The following LAMA3 variants were observed in gnomAD, a reference collection of about 807,000 sequenced individuals.
The protein encoded by LAMA3 is laminin subunit alpha-3.
A neutral mutation model predicts 402.0 loss-of-function variants in LAMA3; 281 were observed. The observed-to-expected ratio is 0.70, with a 90% CI of 0.63 to 0.77. LAMA3 has a LOEUF of 0.77. Ranked by LOEUF, LAMA3 falls within the 30% of genes least tolerant of loss-of-function variation. The pLI is 0.00. For missense variants in LAMA3, 3,840 were observed against 4,215.5 expected (o/e 0.91, Z 2.47); for synonymous variants, 1,431 against 1,558.4 (o/e 0.92, Z 1.93).
intron 56 of LAMA3, among the ~76,000 whole-genome samples, chr18:23,913,837 T>C (rs2081516520): frequency 6.6e-6 from 1 of 152,366 alleles, no homozygotes; most frequent in Non-Finnish European, 1.5e-5. Context: ...ATTCTGGCTT[T>C]GTGATAAACA....
chr18:23,928,351 T>A, intron 63 of LAMA3, 111 bp downstream of exon 63: 1 of 782,942 alleles, frequency 1.3e-6, no homozygotes, highest in Non-Finnish European at 2.2e-6. Context: ...AGTGTTACAG[T>A]GAACTGGCTC....
At chr18:23,805,618 C>T (rs2062948179) in intron 12 of LAMA3, among the ~76,000 whole-genome samples, 1 of 152,094 alleles carries the variant, frequency 6.6e-6, no homozygotes, top group Non-Finnish European at 1.5e-5. Flanking sequence ...ATAAGATGGA[C>T]CTGAGTTAAA....
intron 2 of LAMA3, among the ~76,000 whole-genome samples, chr18:23,733,516 A>G (rs1302106753): frequency 2.0e-4 from 31 of 152,194 alleles, no homozygotes; most frequent in Non-Finnish European, 1.5e-5. Context: ...AACTCCCTCC[A>G]TGATTCAATT....
At chr18:23,727,172 A>T (rs2061313992) in intron 2 of LAMA3, among the ~76,000 whole-genome samples, 1 of 152,234 alleles carries the variant, frequency 6.6e-6, no homozygotes, top group South Asian at 2.1e-4. Flanking sequence ...GCCAAAGTCC[A>T]GAAAAGTTGG....
chr18:23,941,182 C>T (rs1209856687), intron 68 of LAMA3, among the ~76,000 whole-genome samples: 2 of 151,890 alleles, frequency 1.3e-5, no homozygotes, highest in Non-Finnish European at 2.9e-5. Flanking sequence ...GTGATCCGCC[C>T]ACCTCGGCCT....
rs752679034 is a variant in LAMA3, at chr18:23,943,983, G to A, written c.9210+12G>A. On this transcript the variant is annotated intron_variant, in intron 69 of 74. Transcript: ENST00000313654. ...GGAAATGGCACACGGTAAGAGCTGG[G>A]GCTGTGTCAGTATCTCCAGTTGGTG... is the stretch of plus-strand genomic sequence containing the variant. The A allele has an allele frequency of 3.7e-6, 6 of 1,612,592 alleles. No individual in the cohort carries two copies. The East Asian group carries it at 1.3e-4, about 36-fold the overall frequency.
In LAMA3 at chr18:23,763,384, CTTA is replaced by C. The variant is rs764056241; in HGVS notation, c.1064-16_1064-14del. The C allele has an allele frequency of 3.6e-6, 5 of 1,396,974 alleles. No individual in the cohort carries two copies. In the African/African-American group the frequency reaches 4.3e-5, roughly 12 times the overall value. The allele number at this position is 1,396,974 out of a possible 1,614,324, so 86.5% of individuals were successfully genotyped here. A position where few individuals can be genotyped will look rare whatever the true frequency, so the allele number is the denominator to read the frequency against. On this transcript the variant is annotated intron_variant, in intron 7 of 74. Coordinates refer to ENST00000313654, the MANE Select transcript of LAMA3 (RefSeq NM_198129.4). ...CTGATAGTAATAATGAGAATATTGA[CTTA>C]TTATGCTTTTTTTTCAGCATGCAAC... is the stretch of plus-strand genomic sequence containing the variant.
chr18:23,884,592 C>T (rs923362384), intron 40 of LAMA3, among the ~76,000 whole-genome samples, 181 bp from the exon 41 acceptor site: 5 of 152,172 alleles, frequency 3.3e-5, no homozygotes, highest in Non-Finnish European at 4.4e-5. Context: ...TGCCCTGTGT[C>T]GGCTGAGATC....
chr18:23,934,417 T>C (rs2082253770), intron 67 of LAMA3, among the ~76,000 whole-genome samples: 1 of 152,100 alleles, frequency 6.6e-6, no homozygotes, highest in Non-Finnish European at 1.5e-5. Flanking sequence ...AGTTAGATGC[T>C]CGTGGAGTGG....
At chr18:23,724,054 C>T (rs764441843) in intron 2 of LAMA3, among the ~76,000 whole-genome samples, 87 of 152,178 alleles carry the variant, frequency 5.7e-4, no homozygotes, top group Middle Eastern at 6.8e-3. Flanking sequence ...ACCCAAGTCC[C>T]CAAAGTCCAT....
intron 73 of LAMA3, among the ~76,000 whole-genome samples, chr18:23,952,532 A>G (rs532091698): frequency 1.3e-5 from 2 of 152,342 alleles, no homozygotes; most frequent in African/African-American, 4.8e-5. Context: ...CTACATTGCA[A>G]TTAGCTGAGA....
At chr18:23,738,438 G>A (rs1343069019) in intron 2 of LAMA3, among the ~76,000 whole-genome samples, 2 of 152,162 alleles carry the variant, frequency 1.3e-5, no homozygotes, top group African/African-American at 4.8e-5. Flanking sequence ...AGTAAAGGAA[G>A]CGGTTCCTTT....
rs755527455 is a variant in LAMA3 at position 23,744,831 on chromosome 18, C to CAA, written c.448-3087_448-3086dup. On this transcript the variant is annotated intron_variant, in intron 2 of 74. Transcript: ENST00000313654. Reference sequence around the variant, plus strand: ...TGGGCGACAGAGCAAGACTCTGTCTCAAAAAAAAAAAAAAAAAAAAAAAAA... The same window carrying CAA: ...TGGGCGACAGAGCAAGACTCTGTCTCAAAAAAAAAAAAAAAAAAAAAAAAAAA... Among the ~76,000 whole-genome samples the CAA allele has an allele frequency of 7.9e-3, 244 of 31,020 alleles. 29 individuals are homozygous for CAA. Among genetic ancestry groups the CAA allele is most frequent in the East Asian group, 0.023 (32 of 1,374 alleles). The allele number at this position is 31,020 out of a possible 152,430, so 20.4% of individuals were successfully genotyped here.
intron 10 of LAMA3, among the ~76,000 whole-genome samples, 171 bp downstream of exon 10, chr18:23,776,094 T>G (rs764194703): frequency 4.6e-5 from 7 of 152,222 alleles, no homozygotes; most frequent in Non-Finnish European, 7.3e-5. Flanking sequence ...AATTTTATAT[T>G]GGTACATTTT....
At chr18:23,870,203 T>C (rs1219888299) in intron 37 of LAMA3, among the ~76,000 whole-genome samples, 1 of 152,096 alleles carries the variant, frequency 6.6e-6, no homozygotes, top group Non-Finnish European at 1.5e-5. Flanking sequence ...CTTGGGAGGC[T>C]GAGGCAGGAG....
chr18:23,950,685 T>G (rs1257175607), intron 72 of LAMA3, among the ~76,000 whole-genome samples: 2 of 152,230 alleles, frequency 1.3e-5, no homozygotes, highest in Non-Finnish European at 2.9e-5. Context: ...GAGTGAAAGA[T>G]TGATATAATA....
At chr18:23,947,746 C>T (rs963362091) in intron 70 of LAMA3, among the ~76,000 whole-genome samples, 4 of 151,762 alleles carry the variant, frequency 2.6e-5, no homozygotes, top group African/African-American at 7.3e-5. Flanking sequence ...ATATACACCA[C>T]ACATTAATTG....
intron 7 of LAMA3, among the ~76,000 whole-genome samples, chr18:23,761,670 C>A (rs1431116676): frequency 2.0e-5 from 3 of 151,992 alleles, no homozygotes; most frequent in African/African-American, 7.2e-5. Context: ...ATATTCTCTT[C>A]GTGCATGAAG....
chr18:23,705,706 C>T (rs536216954), intron 1 of LAMA3, among the ~76,000 whole-genome samples: 5 of 152,074 alleles, frequency 3.3e-5, no homozygotes, highest in South Asian at 2.1e-4. Flanking sequence ...TTTGTAGAGA[C>T]GGGGTTTCAC....
Sources: gnomAD v4.1 joint callset for allele counts (sites outside exome capture counted in the v4.1 genomes callset) on GRCh38, gnomAD v4.1.1 for gene constraint, MANE v1.5 for transcripts, NCBI Gene and HGNC (gene_info 2026-07-23, HGNC 2026-07-21) for gene names.